The following SGCD variants were observed in gnomAD, a reference collection of about 807,000 sequenced individuals.
SGCD encodes sarcoglycan delta.
SGCD carries 18 observed loss-of-function variants against 36.6 expected under a neutral mutation model. That is an observed-to-expected ratio of 0.49 (90% confidence interval 0.34 to 0.73). The LOEUF (loss-of-function observed/expected upper bound fraction) is 0.73. Among genes scored for constraint, SGCD ranks in the 30% least tolerant of loss-of-function variants. SGCD has a pLI of 0.01. For missense variants in SGCD, 387 were observed against 346.7 expected, an observed-to-expected ratio of 1.12 and a Z score of -0.92; for synonymous variants, 133 against 130.6, an observed-to-expected ratio of 1.02 and a Z score of -0.12.
chr5:156,643,011 T>TG, intron 6 of SGCD, among the ~76,000 whole-genome samples: 3 of 143,776 alleles, frequency 2.1e-5, no homozygotes, highest in Non-Finnish European at 4.5e-5. Context: ...CTAGGTTTTT[T>TG]GGGGGGTTTT....
intron 1 of SGCD, among the ~76,000 whole-genome samples, chr5:155,924,936 C>T (rs1403737408): frequency 6.6e-6 from 1 of 152,142 alleles, no homozygotes; most frequent in African/African-American, 2.4e-5. Context: ...ATTATCCTTG[C>T]AGATAAACTG....
At chr5:155,958,077 A>G (rs752838547) in intron 1 of SGCD, among the ~76,000 whole-genome samples, 1 of 152,196 alleles carries the variant, frequency 6.6e-6, no homozygotes, top group Non-Finnish European at 1.5e-5. Flanking sequence ...AGAATAAGGG[A>G]TGAGTTTACC....
chr5:155,813,409 C>T, the SGCD span, among the ~76,000 whole-genome samples: 2 of 152,224 alleles, frequency 1.3e-5, no homozygotes, highest in South Asian at 4.2e-4. Flanking sequence ...AAGGCCTGCG[C>T]ATGCCTGAAT....
chr5:156,475,810 G>A (rs1755154291), intron 3 of SGCD, among the ~76,000 whole-genome samples: 1 of 152,188 alleles, frequency 6.6e-6, no homozygotes, highest in Admixed American at 6.5e-5. Context: ...GATCAGGACA[G>A]GGTCCCAAAA....
chr5:156,517,646 C>T (rs256833), intron 4 of SGCD, among the ~76,000 whole-genome samples: 1 of 152,052 alleles, frequency 6.6e-6, no homozygotes, highest in East Asian at 1.9e-4. Flanking sequence ...AGCAGACCCC[C>T]CTCAGCAGAA....
chr5:156,577,510 A>C (rs540452509), intron 4 of SGCD, among the ~76,000 whole-genome samples: 3 of 152,330 alleles, frequency 2.0e-5, no homozygotes, highest in Admixed American at 2.0e-4. Flanking sequence ...CTTGGGCAGT[A>C]TGGCCATTTT....
chr5:156,709,143 A>C (rs138401392), intron 7 of SGCD, among the ~76,000 whole-genome samples: 2 of 152,152 alleles, frequency 1.3e-5, no homozygotes, highest in Non-Finnish European at 2.9e-5. Context: ...GTTGCCTTCA[A>C]CTCAAAATAA....
chr5:156,508,585 C>G lies in SGCD; in HGVS notation c.193-16C>G, dbSNP rs746101085. On this transcript the variant is annotated splice_polypyrimidine_tract_variant and intron_variant, in intron 3 of 8. Transcript: ENST00000337851. ...GCTAATCATATCTTCCTTGTTATCT[C>G]TGTGTTCTATTTCAGGATGGAATGG... is the stretch of plus-strand genomic sequence containing the variant. 6.6e-7 allele frequency: 1 copy of G among 1,521,726 alleles called. No homozygotes were observed. The highest frequency in any genetic ancestry group is 1.4e-5 in the African/African-American group (1 of 73,054). 94.3% of individuals were successfully genotyped at this position (1,521,726 alleles called of 1,614,324 possible).
At chr5:156,653,492 G>GTTTTTTTTTTTTT (rs1561839559) in intron 7 of SGCD, among the ~76,000 whole-genome samples, 2 of 5,834 alleles carry the variant, frequency 3.4e-4, no homozygotes, top group African/African-American at 7.6e-4. Flanking sequence ...TCTAAAGCTT[G>GTTTTTTTTTTTTT]CTTTTTTTTT....
At chr5:156,412,962 A>AT (rs1282668211) in intron 3 of SGCD, among the ~76,000 whole-genome samples, 19 of 150,448 alleles carry the variant, frequency 1.3e-4, no homozygotes, top group Admixed American at 3.3e-4. Context: ...CGCCCAGCTA[A>AT]TTTTTTTTGT....
At chr5:155,777,934 C>T in the SGCD span, among the ~76,000 whole-genome samples, 2 of 152,130 alleles carry the variant, frequency 1.3e-5, no homozygotes, top group African/African-American at 2.4e-5. Context: ...AGTTTTCTAA[C>T]ATTGTCTCTC....
At chr5:155,886,074 A>T (rs1755990646) in intron 1 of SGCD, among the ~76,000 whole-genome samples, 1 of 152,214 alleles carries the variant, frequency 6.6e-6, no homozygotes, top group Non-Finnish European at 1.5e-5. Flanking sequence ...TTAGAGAGTG[A>T]CATTCCCAGC....
At chr5:155,997,339 A>G (rs971282072) in intron 1 of SGCD, among the ~76,000 whole-genome samples, 1 of 152,216 alleles carries the variant, frequency 6.6e-6, no homozygotes, top group African/African-American at 2.4e-5. Flanking sequence ...CAGTGAAAAA[A>G]TCCAGGCTAT....
chr5:156,152,418 A>G (rs1425371644), intron 3 of SGCD, among the ~76,000 whole-genome samples: 1 of 151,630 alleles, frequency 6.6e-6, no homozygotes, highest in East Asian at 1.9e-4. Flanking sequence ...TAAATCATAT[A>G]TCTAGTACAG....
At chr5:156,684,519 C>T (rs545410369) in intron 7 of SGCD, among the ~76,000 whole-genome samples, 1 of 152,292 alleles carries the variant, frequency 6.6e-6, no homozygotes, top group South Asian at 2.1e-4. Flanking sequence ...CTTCCGTATC[C>T]CTTTTATCTA....
intron 1 of SGCD, among the ~76,000 whole-genome samples, chr5:155,881,703 C>T (rs1274771834): frequency 6.6e-6 from 1 of 152,180 alleles, no homozygotes; most frequent in Non-Finnish European, 1.5e-5. Context: ...GGGTTTTACC[C>T]ACAGTAAATC....
intron 1 of SGCD, among the ~76,000 whole-genome samples, chr5:156,099,999 A>G (rs1761482764): frequency 6.6e-6 from 1 of 152,124 alleles, no homozygotes; most frequent in African/African-American, 2.4e-5. Context: ...ATTCATATAT[A>G]TGTCATAGGC....
chr5:155,993,410 T>A (rs867193030), intron 1 of SGCD, among the ~76,000 whole-genome samples: 6 of 149,972 alleles, frequency 4.0e-5, no homozygotes, highest in Non-Finnish European at 7.4e-5. Flanking sequence ...AGTGGCATGA[T>A]CTCGGCTTAC....
intron 1 of SGCD, among the ~76,000 whole-genome samples, chr5:156,072,718 C>T (rs908380482): frequency 2.4e-4 from 36 of 152,188 alleles, no homozygotes; most frequent in Non-Finnish European, 4.9e-4. Flanking sequence ...TAATGTCCTG[C>T]AGAGTGTTTT....
Sources: allele counts gnomAD v4.1 joint callset (sites outside exome capture counted in the v4.1 genomes callset), GRCh38; gene constraint gnomAD v4.1.1; transcripts MANE v1.5; gene names NCBI Gene and HGNC (gene_info 2026-07-23, HGNC 2026-07-21).